The following LDAH variants were observed in gnomAD, a reference collection of about 807,000 sequenced individuals.
LDAH encodes lipid droplet-associated hydrolase.
A neutral mutation model predicts 29.6 loss-of-function variants in LDAH; 26 were observed. The observed-to-expected ratio is 0.88, with a 90% CI of 0.64 to 1.22. The LOEUF (loss-of-function observed/expected upper bound fraction) is 1.22, where lower values mean the gene tolerates loss of function less well. LDAH is among the 50% of genes most tolerant of loss of function. LDAH has a pLI of 0.00. For synonymous variants in LDAH, 117 were observed against 133.0 expected, an observed-to-expected ratio of 0.88 and a Z score of 0.83; for missense variants, 344 against 387.3, an observed-to-expected ratio of 0.89 and a Z score of 0.94.
rs1662614796 is a variant in LDAH, at chr2:20,687,087, A to T, written c.794T>A (p.Phe265Tyr). 1.9e-6 allele frequency: 3 copies of T among 1,602,654 alleles called. No individual in the cohort carries two copies. In the East Asian group the frequency reaches 6.7e-5, roughly 36 times the overall value. Reference sequence around the variant, plus strand: ...CCAAGGATCTATAGTACCATAATAAAATGTAAGCTGAAAGACAAGACAAAA... The same window carrying T: ...CCAAGGATCTATAGTACCATAATAATATGTAAGCTGAAAGACAAGACAAAA... ...TIKEHLCKLT[F>Y]YYGTIDPWCP... The change falls in exon 7 of 7, where the codon TTT becomes TAT. Residue 265 changes from phenylalanine to tyrosine, a missense_variant. Phe to Tyr is a conservative substitution (Grantham distance 22, BLOSUM62 3). Coordinates refer to ENST00000237822, the MANE Select transcript of LDAH (RefSeq NM_021925.4).
chr2:20,749,945 C>T (rs560996578), intron 4 of LDAH, among the ~76,000 whole-genome samples: 1 of 152,228 alleles, frequency 6.6e-6, no homozygotes, highest in African/African-American at 2.4e-5. Flanking sequence ...TAGCATCCCT[C>T]CTGGTGGTAC....
intron 1 of LDAH, among the ~76,000 whole-genome samples, chr2:20,815,954 A>G: frequency 6.6e-6 from 1 of 152,110 alleles, no homozygotes; most frequent in East Asian, 1.9e-4. Context: ...TGTGGTGTTC[A>G]AGGTGTATAG....
chr2:20,727,026 CA>C (rs1405417532), intron 5 of LDAH, among the ~76,000 whole-genome samples: 3 of 152,066 alleles, frequency 2.0e-5, no homozygotes, highest in African/African-American at 4.8e-5. Flanking sequence ...CAAAAACAAA[CA>C]AAAAAACCTT....
chr2:20,752,337 C>T (rs935512686), intron 4 of LDAH, among the ~76,000 whole-genome samples: 1 of 152,060 alleles, frequency 6.6e-6, no homozygotes, highest in Admixed American at 6.6e-5. Flanking sequence ...AACTAATGTC[C>T]TATCAAGTGA....
intron 6 of LDAH, among the ~76,000 whole-genome samples, chr2:20,700,075 T>G (rs1663809805): frequency 6.6e-6 from 1 of 152,270 alleles, no homozygotes; most frequent in South Asian, 2.1e-4. Flanking sequence ...GAGCTGTTTT[T>G]ATGAACTCCC....
intron 1 of LDAH, among the ~76,000 whole-genome samples, chr2:20,810,102 A>C (rs990724963): frequency 3.9e-5 from 6 of 152,264 alleles, no homozygotes; most frequent in Non-Finnish European, 8.8e-5. Flanking sequence ...AGGGCACAAC[A>C]AAGATAGCCT....
chr2:20,794,850 G>C (rs1671206884), intron 2 of LDAH, among the ~76,000 whole-genome samples: 1 of 152,114 alleles, frequency 6.6e-6, no homozygotes, highest in Non-Finnish European at 1.5e-5. Flanking sequence ...CTTTCAAACT[G>C]AACGCATAGC....
chr2:20,693,226 G>T (rs1179597531), intron 6 of LDAH, among the ~76,000 whole-genome samples: 1 of 142,490 alleles, frequency 7.0e-6, no homozygotes, highest in Admixed American at 7.0e-5. Flanking sequence ...TGCTTTACAG[G>T]TGAGGACAAA....
Position 20,701,697 on chromosome 2 carries a change from C to T in LDAH, c.704-45G>A, listed in dbSNP as rs373990532. 2.7e-6 allele frequency: 4 copies of T among 1,505,650 alleles called. No homozygotes were observed. In the African/African-American group the frequency reaches 5.5e-5, roughly 21 times the overall value. 93.3% of individuals were successfully genotyped at this position (1,505,650 alleles called of 1,614,324 possible). A position where few individuals can be genotyped will look rare whatever the true frequency, so the allele number is the denominator to read the frequency against. On this transcript the variant is annotated intron_variant, in intron 5 of 6. Transcript: ENST00000237822. ...AGTCAAACATTTAGAATATATAGAA[C>T]AAACACAAATTTCAAATTAATTTTA...
At chr2:20,808,671 AAAAG>A (rs1672257665) in intron 1 of LDAH, among the ~76,000 whole-genome samples, 1 of 152,100 alleles carries the variant, frequency 6.6e-6, no homozygotes, top group African/African-American at 2.4e-5. Flanking sequence ...AAAAAAAAAA[AAAAG>A]AATAGCCAAG....
chr2:20,710,518 G>A (rs1292343194), intron 5 of LDAH, among the ~76,000 whole-genome samples: 1 of 150,160 alleles, frequency 6.7e-6, no homozygotes, highest in Non-Finnish European at 1.5e-5. Flanking sequence ...AAGAAATATT[G>A]ATTCTACATA....
intron 6 of LDAH, among the ~76,000 whole-genome samples, chr2:20,689,780 C>A (rs1662859123): frequency 1.3e-5 from 2 of 152,162 alleles, no homozygotes; most frequent in Non-Finnish European, 2.9e-5. Context: ...TCTGGAAAGT[C>A]AGACTTGGGT....
chr2:20,729,149 C>G (rs1666223137), intron 5 of LDAH, among the ~76,000 whole-genome samples: 1 of 152,180 alleles, frequency 6.6e-6, no homozygotes, highest in Non-Finnish European at 1.5e-5. Context: ...TCCCTGCTGC[C>G]TAAACTTCAG....
chr2:20,751,076 G>A (rs1406443546), intron 4 of LDAH, among the ~76,000 whole-genome samples: 3 of 152,128 alleles, frequency 2.0e-5, no homozygotes, highest in African/African-American at 4.8e-5. Flanking sequence ...GATCTGTATC[G>A]CAAACCTCAA....
In LDAH at chr2:20,774,820, G is replaced by C; in HGVS notation, c.458C>G (p.Pro153Arg). The C allele has an allele frequency of 8.7e-6, 14 of 1,612,856 alleles. No homozygotes were observed. The highest frequency in any genetic ancestry group is 1.1e-5 in the Non-Finnish European group (13 of 1,179,916). The change falls in exon 4 of 7, where the codon CCT becomes CGT. Residue 153 changes from proline (P) to arginine (R), a missense_variant. Coordinates refer to ENST00000237822, the MANE Select transcript of LDAH (RefSeq NM_021925.4). ...YFTLQMLKRV[P>R]ELPVIRAFLL... Reference sequence around the variant, plus strand: ...TGGAGACCTACTTACCGGGAGCTCAGGGACTCGCTTCAGCATCTGAAGTGT... The same window carrying C: ...TGGAGACCTACTTACCGGGAGCTCACGGACTCGCTTCAGCATCTGAAGTGT...
intron 2 of LDAH, among the ~76,000 whole-genome samples, chr2:20,798,502 C>A (rs1281583136): frequency 2.0e-5 from 3 of 151,272 alleles, no homozygotes; most frequent in African/African-American, 7.3e-5. Flanking sequence ...GGAAAACAAA[C>A]AAAAATATAT....
chr2:20,726,151 T>C (rs1209453638), intron 5 of LDAH, among the ~76,000 whole-genome samples: 1 of 152,238 alleles, frequency 6.6e-6, no homozygotes, highest in East Asian at 1.9e-4. Flanking sequence ...CAAGGGCTGA[T>C]GTGCTTAACT....
chr2:20,768,831 T>C (rs533127840), intron 4 of LDAH, among the ~76,000 whole-genome samples: 1 of 152,350 alleles, frequency 6.6e-6, no homozygotes, highest in African/African-American at 2.4e-5. Flanking sequence ...TTATTTCTTA[T>C]TTGGACTAGT....
chr2:20,726,059 T>C (rs1431496653), intron 5 of LDAH, among the ~76,000 whole-genome samples: 1 of 152,216 alleles, frequency 6.6e-6, no homozygotes, highest in Non-Finnish European at 1.5e-5. Context: ...TTTTCTGTTA[T>C]CTATAGTCAA....
Sources: gnomAD v4.1 joint callset for allele counts (sites outside exome capture counted in the v4.1 genomes callset) on GRCh38, gnomAD v4.1.1 for gene constraint, MANE v1.5 for transcripts, NCBI Gene and HGNC (gene_info 2026-07-23, HGNC 2026-07-21) for gene names.